The following DNAI4 variants were observed in gnomAD, a reference collection of about 807,000 sequenced individuals.
The protein encoded by DNAI4 is WD repeat domain 78.
In DNAI4, 85 loss-of-function variants were observed where a neutral mutation model predicts 105.8. The observed-to-expected ratio is 0.80, with a 90% confidence interval of 0.67 to 0.96. The LOEUF is 0.96. DNAI4 is among the 40% of genes least tolerant of loss of function. The pLI is 0.00. For synonymous variants in DNAI4, 352 were observed against 331.5 expected (o/e 1.06, Z -0.67); for missense variants, 1,014 against 1,005.6 (o/e 1.01, Z -0.11).
chr1:66,877,517 T>C (rs988621701), intron 4 of DNAI4, among the ~76,000 whole-genome samples: 8 of 152,106 alleles, frequency 5.3e-5, no homozygotes, highest in African/African-American at 1.9e-4. Flanking sequence ...TACAGAAGAG[T>C]TGTAAGAATA....
At chr1:66,854,426 T>TA (rs796668287) in intron 7 of DNAI4, among the ~76,000 whole-genome samples, 13 of 151,386 alleles carry the variant, frequency 8.6e-5, no homozygotes, top group African/African-American at 1.9e-4. Flanking sequence ...TACAATTGCT[T>TA]AAAAAAAAAC....
intron 7 of DNAI4, among the ~76,000 whole-genome samples, chr1:66,857,638 G>A (rs1320370018): frequency 6.6e-6 from 1 of 151,288 alleles, no homozygotes. Context: ...AGGTTCAAGC[G>A]ATTCTCCTGC....
intron 11 of DNAI4, among the ~76,000 whole-genome samples, chr1:66,834,722 AATGTG>A (rs1199360494): frequency 6.6e-6 from 1 of 152,102 alleles, no homozygotes; most frequent in Non-Finnish European, 1.5e-5. Context: ...CTATCAGATT[AATGTG>A]ATGTTCTTTT....
intron 2 of DNAI4, among the ~76,000 whole-genome samples, chr1:66,900,137 T>C (rs1648685831): frequency 6.6e-6 from 1 of 152,166 alleles, no homozygotes. Context: ...TGGTGCGATC[T>C]TGGCTTATGG....
At chr1:66,906,005 C>T (rs1394496429) in intron 1 of DNAI4, among the ~76,000 whole-genome samples, 2 of 137,312 alleles carry the variant, frequency 1.5e-5, no homozygotes, top group African/African-American at 5.4e-5. Flanking sequence ...CTCACCGCAA[C>T]CTCCGCCTCC....
intron 7 of DNAI4, among the ~76,000 whole-genome samples, chr1:66,860,182 A>C (rs1557933591): frequency 1.3e-5 from 2 of 152,104 alleles, no homozygotes; most frequent in African/African-American, 4.8e-5. Context: ...CTACAGCACT[A>C]TTTCAGAATA....
chr1:66,890,598 C>CA lies in DNAI4; in HGVS notation c.643+555dup. 1 of 169,872 alleles carries CA rather than the reference C, an allele frequency of 5.9e-6. No homozygotes were observed. Among genetic ancestry groups the CA allele is most frequent in the South Asian group, 1.2e-4 (1 of 8,376 alleles). 10.5% of individuals were successfully genotyped at this position (169,872 alleles called of 1,614,324 possible). A position where few individuals can be genotyped will look rare whatever the true frequency, so the allele number is the denominator to read the frequency against. On this transcript the variant is annotated intron_variant, in intron 4 of 16. Transcript: ENST00000371026. The surrounding 1 kb of genome is among the most constrained non-coding windows in gnomAD (Gnocchi z 4.1). ...TGTGTGACAGAGCAAGACTCTGTCT[C>CA]AAAATAAAAAAAAAGAGGAAAGAAG...
intron 1 of DNAI4, among the ~76,000 whole-genome samples, chr1:66,907,738 C>A (rs746116266): frequency 1.3e-5 from 2 of 152,216 alleles, no homozygotes; most frequent in Non-Finnish European, 2.9e-5. Context: ...TTCAAATACC[C>A]TGACCTCTTA....
chr1:66,908,313 A>C (rs182072719), intron 1 of DNAI4, among the ~76,000 whole-genome samples: 11,420 of 152,090 alleles, frequency 0.075, 519 homozygotes, highest in African/African-American at 0.13. Context: ...TACTAAGAGG[A>C]GTCCTCCTCC....
chr1:66,873,110 C>CAGATTATATAGTCTGG (rs1238737309), intron 5 of DNAI4, among the ~76,000 whole-genome samples: 1 of 152,134 alleles, frequency 6.6e-6, no homozygotes, highest in African/African-American at 2.4e-5. Context: ...ATATAATTAT[C>CAGATTATATAGTCTGG]TATAGTCTTC....
intron 1 of DNAI4, among the ~76,000 whole-genome samples, chr1:66,920,091 G>A (rs745818410): frequency 6.6e-6 from 1 of 152,092 alleles, no homozygotes; most frequent in African/African-American, 2.4e-5. Flanking sequence ...ACCACCCATG[G>A]CCCGCCCTGT....
At chr1:66,838,527 G>A (rs139305481) in intron 9 of DNAI4, among the ~76,000 whole-genome samples, 58 of 152,334 alleles carry the variant, frequency 3.8e-4, no homozygotes, top group Admixed American at 2.0e-3. Flanking sequence ...ACGGCAGCAT[G>A]AGCTACCTAA....
chr1:66,884,190 T>C (rs1002288404), intron 4 of DNAI4, among the ~76,000 whole-genome samples: 1 of 152,260 alleles, frequency 6.6e-6, no homozygotes, highest in African/African-American at 2.4e-5. Context: ...AATAGTATTC[T>C]ACTGTGTGTA....
At chr1:66,814,463 G>T (rs1280502619) in intron 16 of DNAI4, among the ~76,000 whole-genome samples, 1 of 152,074 alleles carries the variant, frequency 6.6e-6, no homozygotes, top group Non-Finnish European at 1.5e-5. Context: ...CCGCCTCCTG[G>T]GTTCAAGCAA....
At chr1:66,869,182 A>G (rs1258278754) in intron 6 of DNAI4, among the ~76,000 whole-genome samples, 1 of 151,664 alleles carries the variant, frequency 6.6e-6, no homozygotes, top group Non-Finnish European at 1.5e-5. Flanking sequence ...ACACATGAAT[A>G]TTATAAAGTA....
intron 2 of DNAI4, among the ~76,000 whole-genome samples, chr1:66,902,735 G>A (rs1002234047): frequency 2.0e-5 from 3 of 152,196 alleles, no homozygotes; most frequent in African/African-American, 4.8e-5. Context: ...TATAAGGTAA[G>A]GATCCAACTT....
chr1:66,900,118 G>A (rs1037443231), intron 2 of DNAI4, among the ~76,000 whole-genome samples: 6 of 152,026 alleles, frequency 3.9e-5, no homozygotes, highest in African/African-American at 1.5e-4. Flanking sequence ...TGCCCAGGCT[G>A]GAGTGCAATG....
chr1:66,844,449 G>T (rs946144191), intron 8 of DNAI4, among the ~76,000 whole-genome samples: 4 of 152,076 alleles, frequency 2.6e-5, no homozygotes, highest in African/African-American at 9.7e-5. Context: ...TATAATCCCA[G>T]CTACTAGGGA....
At chr1:66,842,898 T>C (rs1646181807) in intron 8 of DNAI4, among the ~76,000 whole-genome samples, 1 of 152,080 alleles carries the variant, frequency 6.6e-6, no homozygotes, top group African/African-American at 2.4e-5. Flanking sequence ...AATTCCCTAA[T>C]GAAATCTGAT....
Sources: allele counts gnomAD v4.1 joint callset (sites outside exome capture counted in the v4.1 genomes callset), GRCh38; gene constraint gnomAD v4.1.1; non-coding constraint Gnocchi (gnomAD v3.1); transcripts MANE v1.5; gene names NCBI Gene and HGNC (gene_info 2026-07-23, HGNC 2026-07-21).